The following SLC41A3 variants were observed in gnomAD, a reference collection of about 807,000 sequenced individuals.
The protein encoded by SLC41A3 is SLC41A1-like 2.
A neutral mutation model predicts 45.4 loss-of-function variants in SLC41A3; 44 were observed. That is an observed-to-expected ratio of 0.97 (90% CI 0.76 to 1.25). SLC41A3 has a LOEUF of 1.25. Among genes scored for constraint, SLC41A3 ranks in the 50% most tolerant of loss-of-function variants. The probability of loss-of-function intolerance (pLI) is 0.00; values close to 1 mark genes in which losing one functional copy is unlikely to be tolerated. For synonymous variants in SLC41A3, 256 were observed against 252.4 expected (o/e 1.01, Z -0.13); for missense variants, 550 against 600.6 (o/e 0.92, Z 0.88).
At chr3:126,101,009 C>A (rs1945696797) in intron 1 of SLC41A3, among the ~76,000 whole-genome samples, 1 of 152,264 alleles carries the variant, frequency 6.6e-6, no homozygotes, top group African/African-American at 2.4e-5. Context: ...CACAGAATAG[C>A]CTGGCAGTGA....
rs567381349 is a variant in SLC41A3, at chr3:126,019,798, T to C, written c.746-2923A>G. On this transcript the variant is annotated intron_variant, in intron 6 of 10. Coordinates refer to ENST00000360370, the MANE Select transcript of SLC41A3 (RefSeq NM_017836.4). ...CCTACCTCCAACCATGGCTGTGCAG[T>C]GCTCAGTCCACCCAGCTCTCCCAGG... Among the ~76,000 whole-genome samples, 3 of 151,970 alleles carry C rather than the reference T, an allele frequency of 2.0e-5. No homozygotes were observed. The South Asian group carries it at 6.2e-4, about 32-fold the overall frequency.
intron 1 of SLC41A3, among the ~76,000 whole-genome samples, chr3:126,079,287 C>T (rs1398115774): frequency 6.6e-6 from 1 of 151,572 alleles, no homozygotes; most frequent in Non-Finnish European, 1.5e-5. Context: ...GGGACACACA[C>T]ACACACACAC....
rs1396998918 is a variant in SLC41A3 at position 126,066,776 on chromosome 3, A to C, written c.273+1171T>G. ...CTTTACCTTGAGTTGATAGCAGAAGAGCAAATAACAAGGGAATGTGGGGGA... is the reference window on the plus strand; with the variant it reads ...CTTTACCTTGAGTTGATAGCAGAAGCGCAAATAACAAGGGAATGTGGGGGA... On this transcript the variant is annotated intron_variant, in intron 2 of 10. Coordinates refer to ENST00000360370, the MANE Select transcript of SLC41A3 (RefSeq NM_017836.4). 3.3e-5 allele frequency among the ~76,000 whole-genome samples: 5 copies of C among 152,170 alleles called. No homozygotes were observed. In the East Asian group the frequency reaches 7.7e-4, roughly 23 times the overall value.
chr3:126,026,174 A>G lies in SLC41A3; in HGVS notation c.598+161T>C. On this transcript the variant is annotated intron_variant, in intron 5 of 10. Coordinates refer to ENST00000360370, the MANE Select transcript of SLC41A3 (RefSeq NM_017836.4). This position sits in a 1 kb window ranked among gnomAD's most constrained non-coding sequence, Gnocchi z 4.2. ...GGCACAAGGTGGGCCATGAAGACCC[A>G]GCTGGCTCGTCCCACCCTGCCAGTG... The G allele has an allele frequency of 8.9e-7, 1 of 1,128,418 alleles. No individual in the cohort carries two copies. The highest frequency in any genetic ancestry group is 2.6e-5 in the East Asian group (1 of 38,442). 69.9% of individuals were successfully genotyped at this position (1,128,418 alleles called of 1,614,324 possible). A position where few individuals can be genotyped will look rare whatever the true frequency, so the allele number is the denominator to read the frequency against.
intron 1 of SLC41A3, among the ~76,000 whole-genome samples, chr3:126,081,910 C>T (rs2108098124): frequency 6.6e-6 from 1 of 152,370 alleles, no homozygotes; most frequent in African/African-American, 2.4e-5. Context: ...GCTGGCGCAG[C>T]CCTGATCCGT....
At chr3:126,057,197 T>C in intron 2 of SLC41A3, 3 of 983,846 alleles carry the variant, frequency 3.0e-6, no homozygotes, top group Non-Finnish European at 3.6e-6. Context: ...TCATCTCAAG[T>C]TGTGTCCAGC....
At chr3:126,071,085 A>G (rs1331267648) in intron 1 of SLC41A3, among the ~76,000 whole-genome samples, 1 of 152,246 alleles carries the variant, frequency 6.6e-6, no homozygotes, top group African/African-American at 2.4e-5. Context: ...TAATGGGGAA[A>G]CAGGGAAAAA....
chr3:126,019,754 C>T (rs1046620297), intron 6 of SLC41A3, among the ~76,000 whole-genome samples: 2 of 152,106 alleles, frequency 1.3e-5, no homozygotes, highest in African/African-American at 2.4e-5. Context: ...GGTTGAGGTT[C>T]CCAGGCCTCT....
chr3:126,029,729 T>G (rs935889876), intron 4 of SLC41A3, among the ~76,000 whole-genome samples: 1 of 152,166 alleles, frequency 6.6e-6, no homozygotes, highest in African/African-American at 2.4e-5. Flanking sequence ...TGTGCAAGAA[T>G]AGCTAAGACA....
intron 6 of SLC41A3, among the ~76,000 whole-genome samples, chr3:126,017,123 T>C (rs1057177118): frequency 6.6e-6 from 1 of 152,200 alleles, no homozygotes; most frequent in African/African-American, 2.4e-5. Context: ...TTTCCCCATA[T>C]AAAGTACCCT....
chr3:126,057,207 C>A (rs1943727437), intron 2 of SLC41A3: 3 of 977,498 alleles, frequency 3.1e-6, no homozygotes, highest in Non-Finnish European at 3.6e-6. Context: ...TTGTGTCCAG[C>A]CAGGGGGTTC....
intron 1 of SLC41A3, among the ~76,000 whole-genome samples, chr3:126,095,501 G>A (rs1218385840): frequency 6.6e-6 from 1 of 152,174 alleles, no homozygotes. Context: ...CCTTCAACAA[G>A]GGCTGACACA....
intron 3 of SLC41A3, 180 bp downstream of exon 3, chr3:126,050,763 G>C (rs1943274555): frequency 8.7e-7 from 1 of 1,146,862 alleles, no homozygotes; most frequent in Admixed American, 3.5e-5. Context: ...GTTTGGTAGT[G>C]GAAAGCCAAG....
In SLC41A3 at chr3:126,019,013, T is replaced by C. The variant is rs1281722354; in HGVS notation, c.746-2138A>G. Reference sequence around the variant, plus strand: ...GTGTCTTAGTCAGTTTTGTTGCTTATAACAGAACACTCGAAACTGGGTAAT... The same window carrying C: ...GTGTCTTAGTCAGTTTTGTTGCTTACAACAGAACACTCGAAACTGGGTAAT... On this transcript the variant is annotated intron_variant, in intron 6 of 10. Transcript: ENST00000360370. Among the ~76,000 whole-genome samples, 8 of 152,214 alleles carry C rather than the reference T, an allele frequency of 5.3e-5. No homozygotes were observed. The South Asian group carries it at 1.7e-3, about 32-fold the overall frequency.
intron 6 of SLC41A3, among the ~76,000 whole-genome samples, chr3:126,019,520 A>G (rs1312421125): frequency 6.6e-6 from 1 of 152,198 alleles, no homozygotes; most frequent in Non-Finnish European, 1.5e-5. Flanking sequence ...AAAAGCCCGA[A>G]GTCCAGAGTC....
chr3:126,037,364 G>A (rs56379527), intron 3 of SLC41A3, among the ~76,000 whole-genome samples: 50,686 of 152,010 alleles, frequency 0.33, 8,658 homozygotes, highest in Middle Eastern at 0.44. Flanking sequence ...TTGGAACTTC[G>A]TACAGACTTG....
At chr3:126,048,378 G>A (rs937703948) in intron 3 of SLC41A3, among the ~76,000 whole-genome samples, 3 of 152,074 alleles carry the variant, frequency 2.0e-5, no homozygotes, top group African/African-American at 2.4e-5. Context: ...CCTTATAAAC[G>A]ACTATTTCCA....
rs1316470360 is a variant in SLC41A3, at chr3:126,026,271, C to T, written c.598+64G>A. The stretch of plus-strand genomic sequence containing the variant: ...CCCCAGAAACTGAAAACACAATGAG[C>T]TCTGAGGTGGGACCTCAGAGGAGCA... On this transcript the variant is annotated intron_variant, in intron 5 of 10. Coordinates refer to ENST00000360370, the MANE Select transcript of SLC41A3 (RefSeq NM_017836.4). The surrounding 1 kb of genome is among the most constrained non-coding windows in gnomAD (Gnocchi z 4.2). 6.5e-7 allele frequency: 1 copy of T among 1,541,794 alleles called. No individual in the cohort carries two copies. Among genetic ancestry groups the T allele is most frequent in the African/African-American group, 1.4e-5 (1 of 72,910 alleles).
chr3:126,033,606 C>G lies in SLC41A3; in HGVS notation c.453+1G>C. 1 of 1,611,834 alleles carries G rather than the reference C, an allele frequency of 6.2e-7. No homozygotes were observed. Among genetic ancestry groups the G allele is most frequent in the African/African-American group, 1.3e-5 (1 of 75,002 alleles). ...GAGGGTCGGACAAGGTGAAGACTCA[C>G]CTGGATGAGGGCCAGGTTGCTGCTG... On this transcript the variant is annotated splice_donor_variant, in intron 4 of 10. Coordinates refer to ENST00000360370, the MANE Select transcript of SLC41A3 (RefSeq NM_017836.4). LOFTEE classifies it high-confidence loss of function.
Sources: gnomAD v4.1 joint callset for allele counts (sites outside exome capture counted in the v4.1 genomes callset) on GRCh38, gnomAD v4.1.1 for gene constraint, Gnocchi (gnomAD v3.1) non-coding constraint, MANE v1.5 for transcripts, NCBI Gene and HGNC (gene_info 2026-07-23, HGNC 2026-07-21) for gene names.